Variants in QPRT observed in about 807,000 individuals in gnomAD.
QPRT encodes the protein quinolinate phosphoribosyltransferase.
QPRT carries 17 observed loss-of-function variants against 19.8 expected under a neutral mutation model. The observed-to-expected ratio is 0.86, with a 90% confidence interval of 0.59 to 1.29. The LOEUF (loss-of-function observed/expected upper bound fraction) is 1.29. QPRT is among the 50% of genes most tolerant of loss of function. The pLI is 0.00. For missense variants in QPRT, 336 were observed against 405.1 expected, an observed-to-expected ratio of 0.83 and a Z score of 1.46; for synonymous variants, 178 against 191.0, an observed-to-expected ratio of 0.93 and a Z score of 0.56.
chr16:29,680,074 C>T (rs1053103013), intron 1 of QPRT, among the ~76,000 whole-genome samples: 9 of 151,600 alleles, frequency 5.9e-5, no homozygotes, highest in African/African-American at 2.2e-4. Context: ...TCTCCTGCCT[C>T]AGCCTCCCGA....
chr16:29,681,501 T>TC (rs1213140310), intron 1 of QPRT, among the ~76,000 whole-genome samples: 1 of 142,800 alleles, frequency 7.0e-6, no homozygotes, highest in Non-Finnish European at 1.5e-5. Flanking sequence ...TTCTTTTTTT[T>TC]TTTTTTTTTT....
At chr16:29,687,173 G>A (rs986946114) in intron 1 of QPRT, among the ~76,000 whole-genome samples, 21 of 151,988 alleles carry the variant, frequency 1.4e-4, no homozygotes, top group African/African-American at 4.8e-4. Context: ...TTAGATCCTG[G>A]TCCCTCTGTG....
At chr16:29,695,243 ACCCCTCCCCT>A in intron 2 of QPRT, 44 bp downstream of exon 2, 3 of 1,472,156 alleles carry the variant, frequency 2.0e-6, no homozygotes, top group Middle Eastern at 2.4e-4. Context: ...CCCTCAGCAC[ACCCCTCCCCT>A]CCCCTCCCCT....
rs1325744525 is a variant in QPRT at position 29,697,170 on chromosome 16, C to T, written c.682-29C>T. ...TCCGGGGAGGGATCTGTGGTGGGCT[C>T]TTACCTCCCCTTGGCTTGTGTCCCG... On this transcript the variant is annotated intron_variant, in intron 3 of 3. Coordinates refer to ENST00000395384, the MANE Select transcript of QPRT (RefSeq NM_014298.6). This position sits in a 1 kb window ranked among gnomAD's most constrained non-coding sequence, Gnocchi z 4.4. 5.0e-6 allele frequency: 8 copies of T among 1,598,918 alleles called. No homozygotes were observed. The highest frequency in any genetic ancestry group is 6.8e-6 in the Non-Finnish European group (8 of 1,169,108).
At chr16:29,691,364 CAAAAAAAAAA>C (rs537664108) in intron 1 of QPRT, among the ~76,000 whole-genome samples, 1,093 of 51,950 alleles carry the variant, frequency 0.021, 26 homozygotes, top group East Asian at 0.061. Context: ...AGCTCTGCAT[CAAAAAAAAAA>C]AAAAAAAAAA....
At chr16:29,691,108 T>G (rs1173962029) in intron 1 of QPRT, among the ~76,000 whole-genome samples, 1 of 150,824 alleles carries the variant, frequency 6.6e-6, no homozygotes, top group Non-Finnish European at 1.5e-5. Flanking sequence ...CTCACGCCTG[T>G]AATCCCAGCA....
intron 1 of QPRT, among the ~76,000 whole-genome samples, chr16:29,684,442 C>A (rs1967102374): frequency 5.3e-5 from 8 of 152,044 alleles, no homozygotes; most frequent in Admixed American, 5.2e-4. Context: ...ATCACAGGCG[C>A]CCACCACCAC....
intron 1 of QPRT, among the ~76,000 whole-genome samples, chr16:29,679,601 T>C (rs1407459330): frequency 6.7e-6 from 1 of 148,232 alleles, no homozygotes; most frequent in African/African-American, 2.5e-5. Flanking sequence ...CTGTCCCTTC[T>C]GCAGCTGGGT....
At chr16:29,692,007 G>T (rs998645745) in intron 1 of QPRT, among the ~76,000 whole-genome samples, 1 of 152,188 alleles carries the variant, frequency 6.6e-6, no homozygotes, top group Non-Finnish European at 1.5e-5. Context: ...TGCTGTGTGC[G>T]CGTGCTTGTG....
At chr16:29,679,111 C>T, upstream of QPRT, 1 of 1,612,182 alleles carries the variant, frequency 6.2e-7, no homozygotes, top group Middle Eastern at 1.7e-4. Context: ...GCCCTCCCTC[C>T]CTCCACAGTC....
In QPRT at chr16:29,694,687, G is replaced by A. The variant is rs778501323; in HGVS notation, c.37G>A (p.Val13Ile). ...AGGCCTGGCGCTGCTGCTGCCGCCC[G>A]TCACCCTGGCAGCCCTGGTGGACAG... is the stretch of plus-strand genomic sequence containing the variant. ...AEGLALLLPP[V>I]TLAALVDSWL... Residue 13 changes from valine (V) to isoleucine (I), a missense_variant, in exon 2 of 4, where the codon GTC (valine) becomes ATC (isoleucine). Val to Ile is a conservative substitution (Grantham distance 29). Coordinates refer to ENST00000395384, the MANE Select transcript of QPRT (RefSeq NM_014298.6). The A allele has an allele frequency of 5.0e-5, 78 of 1,548,920 alleles. 1 individual carries two copies. The highest frequency in any genetic ancestry group is 1.9e-5 in the Admixed American group (1 of 51,822).
chr16:29,698,039 G>A lies in QPRT; in HGVS notation c.*628G>A, dbSNP rs1967605492. On this transcript the variant is annotated 3_prime_UTR_variant, in exon 4 of 4. Transcript: ENST00000395384. ...AAGAGAGAGGGAGGGAGGGAGGGAG[G>A]GAAAGGAAGGATGGAAAGAAAGGAA... The A allele has an allele frequency of 6.6e-6, 1 of 151,346 alleles. No individual in the cohort carries two copies. Among genetic ancestry groups the A allele is most frequent in the Non-Finnish European group, 1.5e-5 (1 of 67,866 alleles). The allele number at this position is 151,346 out of a possible 1,614,324, so 9.4% of individuals were successfully genotyped here. A position where few individuals can be genotyped will look rare whatever the true frequency, so the allele number is the denominator to read the frequency against.
chr16:29,687,296 A>G (rs1013388056), intron 1 of QPRT, among the ~76,000 whole-genome samples: 2 of 152,186 alleles, frequency 1.3e-5, no homozygotes, highest in East Asian at 3.8e-4. Flanking sequence ...ATACTGAACC[A>G]TATAAATGTG....
rs1175232674 is a variant in QPRT, at chr16:29,698,349, C to G, written c.*938C>G. ...GAAAGCAAAAAGTTAGAAAACAAAA[C>G]AAAACAGAAGTAAGATAAATAGCCA... On this transcript the variant is annotated 3_prime_UTR_variant, in exon 4 of 4. Coordinates refer to ENST00000395384, the MANE Select transcript of QPRT (RefSeq NM_014298.6). 1.3e-5 allele frequency: 2 copies of G among 152,130 alleles called. No individual in the cohort carries two copies. Among genetic ancestry groups the G allele is most frequent in the Non-Finnish European group, 2.9e-5 (2 of 68,036 alleles). 9.4% of individuals were successfully genotyped at this position (152,130 alleles called of 1,614,324 possible). A position where few individuals can be genotyped will look rare whatever the true frequency, so the allele number is the denominator to read the frequency against.
intron 1 of QPRT, 80 bp from the exon 2 acceptor site, chr16:29,694,584 T>C: frequency 2.9e-6 from 4 of 1,377,314 alleles, no homozygotes; most frequent in Non-Finnish European, 3.8e-6. Flanking sequence ...CCAGTTTCAC[T>C]GGTTGTTAAA....
At chr16:29,696,097 T>C (rs1244504038) in intron 2 of QPRT, 1 of 152,084 alleles carries the variant, frequency 6.6e-6, no homozygotes, top group Non-Finnish European at 1.5e-5. Context: ...AAACACCCCT[T>C]CTAATTTTAA....
intron 1 of QPRT, among the ~76,000 whole-genome samples, chr16:29,689,791 C>T (rs540020564): frequency 2.6e-5 from 4 of 152,104 alleles, no homozygotes; most frequent in African/African-American, 9.7e-5. Flanking sequence ...TCACTCTGAC[C>T]ACCGGTGCTC....
In QPRT at chr16:29,695,061, G is replaced by A. The variant is rs767028115; in HGVS notation, c.411G>A (p.Thr137=). 1.2e-5 allele frequency: 20 copies of A among 1,606,018 alleles called. No individual in the cohort carries two copies. In the East Asian group the frequency reaches 1.8e-4, roughly 14 times the overall value. Residue 137 remains threonine (T), a synonymous_variant, in exon 2 of 4, where the codon ACG becomes ACA. Coordinates refer to ENST00000395384, the MANE Select transcript of QPRT (RefSeq NM_014298.6). ...GCTGGACTGGGCACGTGGCAGGCACGAGGAAGACCACGCCAGGCTTCCGGC... is the reference window on the plus strand; with the variant it reads ...GCTGGACTGGGCACGTGGCAGGCACAAGGAAGACCACGCCAGGCTTCCGGC... The part of the protein sequence containing the change: ...GAGWTGHVAG[T]RKTTPGFRLV...
At chr16:29,694,444 C>T (rs1443590828) in intron 1 of QPRT, among the ~76,000 whole-genome samples, 1 of 152,054 alleles carries the variant, frequency 6.6e-6, no homozygotes, top group African/African-American at 2.4e-5. Flanking sequence ...AACTAGGTGC[C>T]CAGTGATCTC....
Sources: gnomAD v4.1 joint callset for allele counts (sites outside exome capture counted in the v4.1 genomes callset) on GRCh38, gnomAD v4.1.1 for gene constraint, Gnocchi (gnomAD v3.1) non-coding constraint, MANE v1.5 for transcripts, NCBI Gene and HGNC (gene_info 2026-07-23, HGNC 2026-07-21) for gene names.